The following CFAP299 variants were observed in gnomAD, a reference collection of about 807,000 sequenced individuals.
CFAP299 encodes the protein cilia- and flagella-associated protein 299.
In CFAP299, 21 loss-of-function variants were observed where a neutral mutation model predicts 27.0. That is an observed-to-expected ratio of 0.78 (90% CI 0.55 to 1.12). CFAP299 has a LOEUF of 1.12. Ranked by LOEUF, CFAP299 falls within the 50% of genes most tolerant of loss-of-function variation. CFAP299 has a pLI of 0.00. For missense variants in CFAP299, 310 were observed against 276.6 expected (o/e 1.12, Z -0.86); for synonymous variants, 104 against 98.1 (o/e 1.06, Z -0.36).
intron 3 of CFAP299, among the ~76,000 whole-genome samples, chr4:80,684,302 T>C (rs1720038674): frequency 6.6e-6 from 1 of 152,070 alleles, no homozygotes; most frequent in African/African-American, 2.4e-5. Flanking sequence ...CCTCACTTTG[T>C]TGCCCAGGCT....
chr4:80,649,378 C>G (rs1391758989), intron 3 of CFAP299, among the ~76,000 whole-genome samples: 1 of 152,126 alleles, frequency 6.6e-6, no homozygotes. Flanking sequence ...AGAGATGACA[C>G]TTCATTTCCA....
intron 3 of CFAP299, among the ~76,000 whole-genome samples, chr4:80,702,381 G>A (rs1268289787): frequency 6.6e-6 from 1 of 151,774 alleles, no homozygotes; most frequent in African/African-American, 2.4e-5. Context: ...TCTTAGAAAT[G>A]CAAATAAATA....
At chr4:80,790,408 C>T (rs889027795) in intron 3 of CFAP299, 1 of 151,924 alleles carries the variant, frequency 6.6e-6, no homozygotes, top group African/African-American at 2.4e-5. Flanking sequence ...TGCTATGGAC[C>T]GAAAGTCTGT....
At chr4:80,832,908 G>A (rs367608160) in intron 3 of CFAP299, among the ~76,000 whole-genome samples, 6 of 151,956 alleles carry the variant, frequency 3.9e-5, no homozygotes, top group East Asian at 1.9e-4. Flanking sequence ...CAGAGATATC[G>A]AAATTTTAAA....
chr4:80,827,941 T>G (rs1730074864), intron 3 of CFAP299, among the ~76,000 whole-genome samples: 2 of 152,064 alleles, frequency 1.3e-5, no homozygotes, highest in Admixed American at 6.6e-5. Context: ...GACAATAGTT[T>G]TGTTTATAAT....
intron 3 of CFAP299, among the ~76,000 whole-genome samples, chr4:80,853,547 C>A (rs1410502434): frequency 6.6e-6 from 1 of 152,072 alleles, no homozygotes; most frequent in African/African-American, 2.4e-5. Context: ...GAGGAAAGGC[C>A]ATTTTTGGCA....
intron 1 of CFAP299, among the ~76,000 whole-genome samples, chr4:80,343,508 G>A (rs188628930): frequency 1.4e-4 from 22 of 152,134 alleles, no homozygotes; most frequent in Non-Finnish European, 1.9e-4. Context: ...AACTCAAGAC[G>A]GCTGGGCATG....
chr4:80,369,219 A>G (rs1275175354), intron 2 of CFAP299, among the ~76,000 whole-genome samples: 2 of 152,216 alleles, frequency 1.3e-5, no homozygotes, highest in East Asian at 1.9e-4. Flanking sequence ...ATTCCTTTAT[A>G]CAAGGTACAT....
At position 80,425,873 on chromosome 4, in the gene CFAP299, G is replaced by A. The variant is rs148773486; in HGVS notation, c.242+62989G>A. On this transcript the variant is annotated intron_variant, in intron 2 of 5. Transcript: ENST00000358105. ...ATGATTATAGTCTTGTGTAAAAATA[G>A]CAGACTCTTTGGTTAAAGTGAAAAT... is the stretch of plus-strand genomic sequence containing the variant. Among the ~76,000 whole-genome samples the A allele has an allele frequency of 3.3e-5, 5 of 152,276 alleles. No homozygotes were observed. The East Asian group carries it at 9.6e-4, about 29-fold the overall frequency.
chr4:80,499,439 T>C (rs1038248516), intron 2 of CFAP299, among the ~76,000 whole-genome samples: 9 of 152,118 alleles, frequency 5.9e-5, no homozygotes, highest in African/African-American at 2.2e-4. Context: ...CTGACAGATA[T>C]TTTTTCCATG....
chr4:80,886,575 C>T (rs1390597658), intron 4 of CFAP299, among the ~76,000 whole-genome samples: 1 of 152,162 alleles, frequency 6.6e-6, no homozygotes. Context: ...GCCCAAGTCC[C>T]TTTAAATATT....
intron 3 of CFAP299, among the ~76,000 whole-genome samples, chr4:80,600,609 G>C (rs1335906931): frequency 6.6e-6 from 1 of 152,082 alleles, no homozygotes; most frequent in Non-Finnish European, 1.5e-5. Flanking sequence ...TGTTTCATCA[G>C]TTTGTACTGT....
chr4:80,735,810 T>C (rs80012776), intron 3 of CFAP299, among the ~76,000 whole-genome samples: 2,676 of 152,280 alleles, frequency 0.018, 55 homozygotes, highest in Admixed American at 0.058. Flanking sequence ...TGAATAATCT[T>C]TTTAATGTAT....
intron 3 of CFAP299, among the ~76,000 whole-genome samples, chr4:80,757,322 G>T (rs966919912): frequency 6.6e-6 from 1 of 152,002 alleles, no homozygotes; most frequent in African/African-American, 2.4e-5. Context: ...TTAACCAAAA[G>T]ATTGTTTAAT....
At chr4:80,862,160 A>G (rs1448634684) in intron 3 of CFAP299, among the ~76,000 whole-genome samples, 1 of 152,180 alleles carries the variant, frequency 6.6e-6, no homozygotes. Context: ...ATTTGAGGTC[A>G]GGAGTTCGAG....
intron 3 of CFAP299, among the ~76,000 whole-genome samples, chr4:80,829,101 T>C (rs1730154122): frequency 6.6e-6 from 1 of 151,886 alleles, no homozygotes; most frequent in Admixed American, 6.6e-5. Context: ...CATTAAAAAC[T>C]TTTGTACATT....
chr4:80,613,799 C>A (rs957204243), intron 3 of CFAP299, among the ~76,000 whole-genome samples: 1 of 152,200 alleles, frequency 6.6e-6, no homozygotes, highest in Non-Finnish European at 1.5e-5. Context: ...TGCTCTACAA[C>A]TGACTGTATT....
chr4:80,788,720 G>A (rs574884318), intron 3 of CFAP299, among the ~76,000 whole-genome samples: 22 of 151,930 alleles, frequency 1.4e-4, no homozygotes, highest in African/African-American at 4.8e-4. Context: ...GTTTATACTG[G>A]CCAGCTTCTC....
chr4:80,815,946 T>C lies in CFAP299; in HGVS notation c.334-54047T>C, dbSNP rs374148845. On this transcript the variant is annotated intron_variant, in intron 3 of 5. Transcript: ENST00000358105. ...TTTTTGAAATAAAATATTTTTACAATACTTGTAATATTAAAAACAAGACAG... is the reference window on the plus strand; with the variant it reads ...TTTTTGAAATAAAATATTTTTACAACACTTGTAATATTAAAAACAAGACAG... Among the ~76,000 whole-genome samples, 10 of 151,960 alleles carry C rather than the reference T, an allele frequency of 6.6e-5. No individual in the cohort carries two copies. The East Asian group carries it at 1.9e-3, about 29-fold the overall frequency.
Sources: allele counts gnomAD v4.1 joint callset (sites outside exome capture counted in the v4.1 genomes callset), GRCh38; gene constraint gnomAD v4.1.1; transcripts MANE v1.5; gene names NCBI Gene and HGNC (gene_info 2026-07-23, HGNC 2026-07-21).